Variants in NTRK2 observed in about 807,000 individuals in gnomAD.
NTRK2 encodes neurotrophic receptor tyrosine kinase 2.
Under a neutral mutation model 94.5 loss-of-function variants are expected in NTRK2, and 13 were observed. The ratio of observed to expected loss-of-function variants is 0.14; its 90% CI spans 0.09 to 0.22. NTRK2 has a LOEUF of 0.22. Ranked by LOEUF, NTRK2 falls within the 10% of genes least tolerant of loss-of-function variation. NTRK2 has a pLI of 1.00. For missense variants in NTRK2, 639 were observed against 1,071.2 expected, an observed-to-expected ratio of 0.60 and a Z score of 5.63; for synonymous variants, 372 against 407.4, an observed-to-expected ratio of 0.91 and a Z score of 1.05.
chr9:84,830,538 CGTGT>C (rs60042932), intron 12 of NTRK2, among the ~76,000 whole-genome samples: 23 of 145,996 alleles, frequency 1.6e-4, no homozygotes, highest in Admixed American at 4.1e-4. Context: ...AGCATGCATG[CGTGT>C]GTGTGTGTGT....
At chr9:84,778,975 G>C (rs2067308191) in intron 12 of NTRK2, among the ~76,000 whole-genome samples, 1 of 152,126 alleles carries the variant, frequency 6.6e-6, no homozygotes, top group South Asian at 2.1e-4. Context: ...TTAACAGGCT[G>C]GTCTTTTCTT....
intron 6 of NTRK2, 114 bp downstream of exon 6, chr9:84,710,905 G>A (rs1364519571): frequency 1.0e-6 from 1 of 991,494 alleles, no homozygotes; most frequent in African/African-American, 1.6e-5. Context: ...TTCTGTTGAT[G>A]TCTCCAGTGA....
intron 14 of NTRK2, among the ~76,000 whole-genome samples, chr9:84,897,172 C>G (rs2076782906): frequency 1.3e-5 from 2 of 152,096 alleles, no homozygotes; most frequent in South Asian, 4.1e-4. Context: ...GAGTCTCACT[C>G]TGTTGCCAGG....
intron 6 of NTRK2, among the ~76,000 whole-genome samples, chr9:84,715,572 G>A (rs1194400414): frequency 1.3e-5 from 2 of 152,148 alleles, no homozygotes; most frequent in South Asian, 2.1e-4. Context: ...TAATTGCAAG[G>A]CAAGAGAACA....
At chr9:84,742,121 A>T (rs563707047) in intron 10 of NTRK2, among the ~76,000 whole-genome samples, 194 bp downstream of exon 10, 2 of 152,244 alleles carry the variant, frequency 1.3e-5, no homozygotes, top group Non-Finnish European at 2.9e-5. Flanking sequence ...GCCTGTAAAT[A>T]GCACTTTCTC....
chr9:84,985,646 T>C (rs2133267341), intron 17 of NTRK2, among the ~76,000 whole-genome samples: 1 of 152,362 alleles, frequency 6.6e-6, no homozygotes, highest in South Asian at 2.1e-4. Flanking sequence ...ATCTACTCTC[T>C]TTGAATTGGT....
At chr9:84,810,716 C>T (rs201252530) in intron 12 of NTRK2, 67 of 1,560,074 alleles carry the variant, frequency 4.3e-5, no homozygotes, top group African/African-American at 3.0e-4. Context: ...TAGATGTGGG[C>T]GGTGTTTGGA....
Position 84,949,445 on chromosome 9 carries a change from GATTTATTTATTT to G in NTRK2, c.1937+840_1937+851del, listed in dbSNP as rs71959281. Among the ~76,000 whole-genome samples the G allele has an allele frequency of 9.7e-3, 1,434 of 147,832 alleles. 31 individuals carry two copies. Among genetic ancestry groups the G allele is most frequent in the African/African-American group, 0.032 (1,284 of 39,938 alleles). On this transcript the variant is annotated intron_variant, in intron 16 of 18. Coordinates refer to ENST00000277120, the MANE Select transcript of NTRK2 (RefSeq NM_006180.6). ...TTCTAGCATTGGCCTGATTGGTTGG[GATTTATTTATTT>G]ATTTATTTATTTATTTATTTATTTA... is the stretch of plus-strand genomic sequence containing the variant.
intron 15 of NTRK2, among the ~76,000 whole-genome samples, chr9:84,944,072 A>G (rs1436520715): frequency 6.6e-6 from 1 of 152,120 alleles, no homozygotes; most frequent in Non-Finnish European, 1.5e-5. Context: ...AATGTTACTG[A>G]AGCACAGTTT....
intron 14 of NTRK2, among the ~76,000 whole-genome samples, chr9:84,883,566 C>T (rs1275585972): frequency 6.6e-6 from 1 of 152,194 alleles, no homozygotes; most frequent in Admixed American, 6.5e-5. Context: ...GCATAATCAA[C>T]ATGGAACTTG....
At chr9:84,815,500 G>C in intron 12 of NTRK2, 2 of 1,027,308 alleles carry the variant, frequency 1.9e-6, no homozygotes, top group Non-Finnish European at 2.3e-6. Flanking sequence ...GGCAGCCTGT[G>C]AATCATTCTC....
At chr9:84,818,666 T>G (rs1434066469) in intron 12 of NTRK2, among the ~76,000 whole-genome samples, 1 of 152,208 alleles carries the variant, frequency 6.6e-6, no homozygotes, top group Non-Finnish European at 1.5e-5. Context: ...GGATTTGCTG[T>G]TTTTTATTGC....
intron 12 of NTRK2, chr9:84,815,164 A>C (rs2072257893): frequency 9.5e-7 from 1 of 1,057,594 alleles, no homozygotes. Flanking sequence ...AGAACGTCCC[A>C]GCCACCTGAT....
chr9:84,957,235 C>T (rs375422398), intron 17 of NTRK2, among the ~76,000 whole-genome samples: 9 of 152,182 alleles, frequency 5.9e-5, no homozygotes, highest in Non-Finnish European at 1.2e-4. Context: ...AAGGGTTCAA[C>T]GTGCCTGGCA....
chr9:84,912,611 CTTTTT>C (rs1212242779), intron 14 of NTRK2, among the ~76,000 whole-genome samples: 1 of 95,252 alleles, frequency 1.0e-5, no homozygotes, highest in Admixed American at 1.2e-4. Flanking sequence ...TTTGACTTGC[CTTTTT>C]TTTTTTTTTT....
intron 12 of NTRK2, among the ~76,000 whole-genome samples, chr9:84,822,271 C>G (rs2072900110): frequency 6.6e-6 from 1 of 152,140 alleles, no homozygotes; most frequent in South Asian, 2.1e-4. Flanking sequence ...CCACTGAAGC[C>G]TTCTTCTTTT....
chr9:84,813,670 C>A, intron 12 of NTRK2: 1 of 1,066,148 alleles, frequency 9.4e-7, no homozygotes, highest in East Asian at 5.0e-5. Context: ...ACCAATGTCT[C>A]CCCTCAACCC....
chr9:84,913,732 G>A (rs1277868340), intron 14 of NTRK2, among the ~76,000 whole-genome samples: 2 of 152,000 alleles, frequency 1.3e-5, no homozygotes, highest in African/African-American at 2.4e-5. Context: ...TTAGTTTTGA[G>A]AAGTTTGACT....
At chr9:84,687,081 T>A (rs1209746946) in intron 2 of NTRK2, among the ~76,000 whole-genome samples, 1 of 152,158 alleles carries the variant, frequency 6.6e-6, no homozygotes, top group Non-Finnish European at 1.5e-5. Flanking sequence ...TTGACGGGTT[T>A]TTTTCCTTTT....
Sources: gnomAD v4.1 joint callset for allele counts (sites outside exome capture counted in the v4.1 genomes callset) on GRCh38, gnomAD v4.1.1 for gene constraint, MANE v1.5 for transcripts, NCBI Gene and HGNC (gene_info 2026-07-23, HGNC 2026-07-21) for gene names.